CCSER2: variants seen among roughly 807,000 people sequenced by gnomAD.
CCSER2 encodes the protein serine-rich coiled-coil domain-containing protein 2.
CCSER2 carries 46 observed loss-of-function variants against 92.3 expected under a neutral mutation model. That is an observed-to-expected ratio of 0.50 (90% CI 0.39 to 0.64). The LOEUF (loss-of-function observed/expected upper bound fraction) is 0.64. Among genes scored for constraint, CCSER2 ranks in the 30% least tolerant of loss-of-function variants. The probability of loss-of-function intolerance (pLI) is 0.00; values close to 1 mark genes in which losing one functional copy is unlikely to be tolerated. For missense variants in CCSER2, 1,244 were observed against 1,238.9 expected, an observed-to-expected ratio of 1.00 and a Z score of -0.06; for synonymous variants, 433 against 431.4, an observed-to-expected ratio of 1.00 and a Z score of -0.04.
intron 6 of CCSER2, 121 bp from the exon 7 acceptor site, chr10:84,463,812 C>A: frequency 1.6e-6 from 1 of 616,412 alleles, no homozygotes; most frequent in South Asian, 2.2e-5. Context: ...CCCATTTGTT[C>A]TTCACCATGC....
intron 3 of CCSER2, among the ~76,000 whole-genome samples, chr10:84,395,920 G>A (rs1841804342): frequency 6.6e-6 from 1 of 152,180 alleles, no homozygotes; most frequent in South Asian, 2.1e-4. Context: ...GCCTAGGTGT[G>A]TTCGTTGCTA....
At chr10:84,425,206 A>T (rs1843365759) in intron 4 of CCSER2, 1 of 975,930 alleles carries the variant, frequency 1.0e-6, no homozygotes, top group Non-Finnish European at 1.2e-6. Flanking sequence ...GGCAGATTGA[A>T]GCGTCTTACT....
chr10:84,442,105 C>T (rs117672486), intron 6 of CCSER2, among the ~76,000 whole-genome samples: 19 of 152,060 alleles, frequency 1.2e-4, no homozygotes, highest in Non-Finnish European at 2.4e-4. Context: ...CATTTTTAAC[C>T]TTAAGGGGTC....
chr10:84,473,571 G>A (rs375686053), intron 8 of CCSER2, among the ~76,000 whole-genome samples: 2 of 152,088 alleles, frequency 1.3e-5, no homozygotes, highest in South Asian at 2.1e-4. Flanking sequence ...ACAGTATAAG[G>A]TTTAGTTATA....
Position 84,517,526 on chromosome 10 carries a change from T to C in CCSER2, c.*3259T>C, listed in dbSNP as rs934650953. 6.6e-6 allele frequency: 1 copy of C among 152,664 alleles called. No individual in the cohort carries two copies. Among genetic ancestry groups the C allele is most frequent in the African/African-American group, 2.4e-5 (1 of 41,480 alleles). The allele number at this position is 152,664 out of a possible 1,614,324, so 9.5% of individuals were successfully genotyped here. A position where few individuals can be genotyped will look rare whatever the true frequency, so the allele number is the denominator to read the frequency against. On this transcript the variant is annotated 3_prime_UTR_variant, in exon 10 of 10. Transcript: ENST00000372088. The stretch of plus-strand genomic sequence containing the variant: ...TGAATATGAAAGAAAATATCAGATT[T>C]GCACTTTAAATGAGCTTAATTGCTT...
At chr10:84,410,602 T>C (rs1336673885) in intron 3 of CCSER2, among the ~76,000 whole-genome samples, 1 of 152,168 alleles carries the variant, frequency 6.6e-6, no homozygotes, top group African/African-American at 2.4e-5. Flanking sequence ...CCATGTTTTA[T>C]TGGGATTGTT....
chr10:84,363,407 A>G (rs1845614630), intron 1 of CCSER2, among the ~76,000 whole-genome samples: 1 of 152,186 alleles, frequency 6.6e-6, no homozygotes, highest in African/African-American at 2.4e-5. Context: ...CAAGGTTAAA[A>G]AAAATTACTT....
At chr10:84,405,577 C>T (rs1043115255) in intron 3 of CCSER2, among the ~76,000 whole-genome samples, 1 of 151,982 alleles carries the variant, frequency 6.6e-6, no homozygotes, top group African/African-American at 2.4e-5. Flanking sequence ...GACTTTTATC[C>T]AGAATGTATA....
intron 3 of CCSER2, among the ~76,000 whole-genome samples, chr10:84,398,136 C>T (rs763804717): frequency 7.9e-5 from 12 of 152,134 alleles, no homozygotes; most frequent in Non-Finnish European, 1.8e-4. Flanking sequence ...CCTGGAGACT[C>T]GAGGGAAGAA....
intron 1 of CCSER2, among the ~76,000 whole-genome samples, chr10:84,347,452 C>T (rs1355629864): frequency 6.2e-5 from 9 of 145,990 alleles, no homozygotes; most frequent in Admixed American, 1.3e-4. Context: ...GCTGGCCGGG[C>T]GGGGGCTGAC....
intron 3 of CCSER2, among the ~76,000 whole-genome samples, chr10:84,393,463 GCTTT>G (rs146869861): frequency 1.6e-4 from 24 of 152,224 alleles, no homozygotes; most frequent in African/African-American, 5.5e-4. Flanking sequence ...TGCCTTCTAA[GCTTT>G]CTTTTTTTTT....
chr10:84,341,343 C>CT (rs35558044), intron 1 of CCSER2, among the ~76,000 whole-genome samples: 4,930 of 94,228 alleles, frequency 0.052, 258 homozygotes, highest in African/African-American at 0.085. Context: ...CTTTGTAACT[C>CT]TTTTTTTTTT....
At chr10:84,357,063 A>G (rs993094676) in intron 1 of CCSER2, among the ~76,000 whole-genome samples, 1 of 152,226 alleles carries the variant, frequency 6.6e-6, no homozygotes, top group Non-Finnish European at 1.5e-5. Context: ...CTGTGTTCTC[A>G]AAGAACTTGG....
chr10:84,397,323 AAAAG>A (rs1445785515), intron 3 of CCSER2, among the ~76,000 whole-genome samples: 1 of 152,194 alleles, frequency 6.6e-6, no homozygotes, highest in Non-Finnish European at 1.5e-5. Context: ...AAACAGAACA[AAAAG>A]AAAAGCTTTT....
Position 84,444,886 on chromosome 10 carries a change from C to T in CCSER2, c.2064+6179C>T, listed in dbSNP as rs192493926. ...TTTGTGTACCTCATTCTACTCATCA[C>T]AACATCATTATGGGATAAGAATGAC... On this transcript the variant is annotated intron_variant, in intron 6 of 9. Coordinates refer to ENST00000372088, the MANE Select transcript of CCSER2 (RefSeq NM_001284240.2). Among the ~76,000 whole-genome samples the T allele has an allele frequency of 7.2e-5, 11 of 152,302 alleles. 1 individual carries two copies. The East Asian group carries it at 2.1e-3, about 29-fold the overall frequency.
intron 5 of CCSER2, among the ~76,000 whole-genome samples, chr10:84,428,965 T>TA (rs1279133765): frequency 1.2e-5 from 1 of 84,238 alleles, no homozygotes; most frequent in Non-Finnish European, 2.5e-5. Context: ...TTGTTGAAGA[T>TA]TTTTTTTGTG....
intron 3 of CCSER2, among the ~76,000 whole-genome samples, chr10:84,380,087 G>C (rs1446470767): frequency 6.6e-6 from 1 of 152,106 alleles, no homozygotes; most frequent in Admixed American, 6.5e-5. Flanking sequence ...TCCCTAAAAT[G>C]GTCCTACCAG....
chr10:84,381,342 G>A (rs1168288900), intron 3 of CCSER2, among the ~76,000 whole-genome samples: 1 of 152,104 alleles, frequency 6.6e-6, no homozygotes, highest in African/African-American at 2.4e-5. Flanking sequence ...AATATGCTTG[G>A]GGTGCTATGC....
chr10:84,511,627 A>G (rs2131881689), intron 9 of CCSER2, among the ~76,000 whole-genome samples: 1 of 152,336 alleles, frequency 6.6e-6, no homozygotes, highest in South Asian at 2.1e-4. Flanking sequence ...AAGGAAAAAC[A>G]AATCCCCATT....
Sources: gnomAD v4.1 joint callset for allele counts (sites outside exome capture counted in the v4.1 genomes callset) on GRCh38, gnomAD v4.1.1 for gene constraint, MANE v1.5 for transcripts, NCBI Gene and HGNC (gene_info 2026-07-23, HGNC 2026-07-21) for gene names.